The following GPC5 variants were observed in gnomAD, a reference collection of about 807,000 sequenced individuals.
The protein encoded by GPC5 is glypican-5.
Under a neutral mutation model 53.9 loss-of-function variants are expected in GPC5, and 47 were observed. The ratio of observed to expected loss-of-function variants is 0.87; its 90% CI spans 0.69 to 1.11. GPC5 has a LOEUF of 1.11. Ranked by LOEUF, GPC5 falls within the 50% of genes most tolerant of loss-of-function variation. The pLI is 0.00. For missense variants in GPC5, 748 were observed against 713.1 expected, an observed-to-expected ratio of 1.05 and a Z score of -0.56; for synonymous variants, 286 against 263.3, an observed-to-expected ratio of 1.09 and a Z score of -0.84.
rs59113573 is a variant in GPC5 at position 91,481,585 on chromosome 13, C to T, written c.325+32663C>T. The stretch of plus-strand genomic sequence containing the variant: ...GGTATGACTAGAGTCAAATTCCTGG[C>T]GATGTGAACAACCTCTTGCAACTTA... On this transcript the variant is annotated intron_variant, in intron 2 of 7. Transcript: ENST00000377067. Among the ~76,000 whole-genome samples, 131 of 152,284 alleles carry T rather than the reference C, an allele frequency of 8.6e-4. 1 individual carries two copies. Among genetic ancestry groups the T allele is most frequent in the Non-Finnish European group, 1.7e-3 (117 of 68,030 alleles).
At chr13:91,801,032 A>G (rs1873325145) in intron 5 of GPC5, among the ~76,000 whole-genome samples, 1 of 152,128 alleles carries the variant, frequency 6.6e-6, no homozygotes, top group Admixed American at 6.6e-5. Context: ...GTTAAGTTTC[A>G]GTCTAGGCGC....
chr13:91,567,171 A>C (rs1843795980), intron 2 of GPC5, among the ~76,000 whole-genome samples: 1 of 152,146 alleles, frequency 6.6e-6, no homozygotes, highest in African/African-American at 2.4e-5. Flanking sequence ...TTCAAATATC[A>C]GAATTAAAGT....
At chr13:91,979,845 G>T (rs1214562876) in intron 6 of GPC5, among the ~76,000 whole-genome samples, 1 of 152,188 alleles carries the variant, frequency 6.6e-6, no homozygotes, top group Non-Finnish European at 1.5e-5. Context: ...CTGGATGCCT[G>T]CCCTGTGTGA....
At chr13:92,128,054 A>G (rs990560460) in intron 6 of GPC5, among the ~76,000 whole-genome samples, 4 of 152,100 alleles carry the variant, frequency 2.6e-5, no homozygotes, top group Non-Finnish European at 5.9e-5. Flanking sequence ...TCTGAGATCA[A>G]TCTTCCTCTC....
intron 7 of GPC5, among the ~76,000 whole-genome samples, chr13:92,783,085 T>C (rs1415551727): frequency 2.6e-5 from 4 of 152,338 alleles, no homozygotes; most frequent in South Asian, 4.1e-4. Context: ...TTTCTATTGT[T>C]TATACAATCT....
chr13:91,484,800 T>A (rs1272020193), intron 2 of GPC5, among the ~76,000 whole-genome samples: 1 of 152,204 alleles, frequency 6.6e-6, no homozygotes, highest in Non-Finnish European at 1.5e-5. Flanking sequence ...GAAAACAGTG[T>A]ACCCTAATTG....
At chr13:92,009,759 A>G (rs1225191264) in intron 6 of GPC5, among the ~76,000 whole-genome samples, 1 of 152,136 alleles carries the variant, frequency 6.6e-6, no homozygotes, top group African/African-American at 2.4e-5. Context: ...CCCATTTCTT[A>G]ACCACTTTCT....
At chr13:91,717,543 A>G (rs2036365388) in intron 3 of GPC5, among the ~76,000 whole-genome samples, 1 of 152,132 alleles carries the variant, frequency 6.6e-6, no homozygotes, top group Non-Finnish European at 1.5e-5. Context: ...TGATGAAAGC[A>G]GAACAGCCTT....
chr13:92,519,266 A>C (rs112780588), intron 7 of GPC5, among the ~76,000 whole-genome samples: 5 of 152,076 alleles, frequency 3.3e-5, no homozygotes, highest in Admixed American at 6.6e-5. Flanking sequence ...CTCAGCTCTG[A>C]ACCAAGCAGA....
intron 1 of GPC5, among the ~76,000 whole-genome samples, chr13:91,411,158 C>T (rs1462491845): frequency 1.3e-5 from 2 of 152,100 alleles, no homozygotes; most frequent in Non-Finnish European, 2.9e-5. Context: ...CAAAATAATG[C>T]TATTTGAATT....
intron 7 of GPC5, among the ~76,000 whole-genome samples, chr13:92,471,873 A>G (rs1310512026): frequency 6.6e-6 from 1 of 152,124 alleles, no homozygotes; most frequent in African/African-American, 2.4e-5. Context: ...AGGGTGAAAT[A>G]AGTGCTCACC....
At chr13:91,697,656 C>T (rs968552360) in intron 3 of GPC5, among the ~76,000 whole-genome samples, 1 of 151,688 alleles carries the variant, frequency 6.6e-6, no homozygotes, top group African/African-American at 2.4e-5. Context: ...ATAGATTACC[C>T]TCTTGTTAAT....
intron 2 of GPC5, among the ~76,000 whole-genome samples, chr13:91,628,135 T>C (rs2034056936): frequency 2.0e-5 from 3 of 152,170 alleles, no homozygotes; most frequent in Admixed American, 2.0e-4. Context: ...TTGGTGTTAA[T>C]GTTACCTTAC....
intron 4 of GPC5, among the ~76,000 whole-genome samples, chr13:91,731,529 CTTTTA>C (rs2036697565): frequency 6.6e-6 from 1 of 151,540 alleles, no homozygotes; most frequent in African/African-American, 2.4e-5. Context: ...ATTTTATTTT[CTTTTA>C]TTTTAGGTTC....
intron 5 of GPC5, among the ~76,000 whole-genome samples, chr13:91,823,173 T>C (rs1566285866): frequency 6.6e-6 from 1 of 152,054 alleles, no homozygotes; most frequent in Non-Finnish European, 1.5e-5. Context: ...CGCAGAACTA[T>C]GAAAAAGTAG....
intron 5 of GPC5, among the ~76,000 whole-genome samples, chr13:91,817,995 T>G (rs2038426610): frequency 6.6e-6 from 1 of 152,210 alleles, no homozygotes. Context: ...GTATATGTTT[T>G]TGTAGTTCAT....
intron 6 of GPC5, among the ~76,000 whole-genome samples, chr13:92,062,218 A>G (rs1191810361): frequency 6.6e-6 from 1 of 151,996 alleles, no homozygotes; most frequent in African/African-American, 2.4e-5. Flanking sequence ...ATAACTACTG[A>G]TTATATAACT....
At chr13:91,637,600 C>T (rs145033105) in intron 2 of GPC5, among the ~76,000 whole-genome samples, 46 of 151,978 alleles carry the variant, frequency 3.0e-4, no homozygotes, top group African/African-American at 9.6e-4. Flanking sequence ...AAAATAGGGA[C>T]GAACAGGAGA....
At chr13:91,813,928 T>TG (rs1275484636) in intron 5 of GPC5, among the ~76,000 whole-genome samples, 1 of 110,516 alleles carries the variant, frequency 9.0e-6, no homozygotes, top group East Asian at 4.1e-4. Context: ...TGATTTTTTT[T>TG]TTTTTTTTTT....
Sources: gnomAD v4.1 joint callset for allele counts (sites outside exome capture counted in the v4.1 genomes callset) on GRCh38, gnomAD v4.1.1 for gene constraint, MANE v1.5 for transcripts, NCBI Gene and HGNC (gene_info 2026-07-23, HGNC 2026-07-21) for gene names.